Variants in FAR2 observed in about 807,000 individuals in gnomAD.
FAR2 encodes the protein epididymis secretory protein Li 81.
Under a neutral mutation model 56.0 loss-of-function variants are expected in FAR2, and 19 were observed. The ratio of observed to expected loss-of-function variants is 0.34; its 90% CI spans 0.24 to 0.50. The LOEUF is 0.50. FAR2 is among the 20% of genes least tolerant of loss of function. FAR2 has a pLI of 0.98. For synonymous variants in FAR2, 219 were observed against 218.8 expected, an observed-to-expected ratio of 1.00 and a Z score of -0.01; for missense variants, 508 against 642.2, an observed-to-expected ratio of 0.79 and a Z score of 2.26.
At chr12:29,211,380 T>C (rs1370172551) in intron 1 of FAR2, among the ~76,000 whole-genome samples, 1 of 152,258 alleles carries the variant, frequency 6.6e-6, no homozygotes, top group Non-Finnish European at 1.5e-5. Context: ...AGCCTCTTTC[T>C]AAGACTTTAA....
At chr12:29,208,525 T>A (rs1446074200) in intron 1 of FAR2, among the ~76,000 whole-genome samples, 1 of 152,246 alleles carries the variant, frequency 6.6e-6, no homozygotes, top group Non-Finnish European at 1.5e-5. Flanking sequence ...ATACATCATT[T>A]ATATTTCTAT....
At chr12:29,245,012 C>T (rs1007640122) in intron 1 of FAR2, among the ~76,000 whole-genome samples, 1 of 151,194 alleles carries the variant, frequency 6.6e-6, no homozygotes, top group Admixed American at 6.6e-5. Flanking sequence ...GATGGAGTCT[C>T]ACTCTACGGC....
chr12:29,297,006 C>G lies in FAR2; in HGVS notation c.366-15C>G. The G allele has an allele frequency of 6.3e-7, 1 of 1,579,828 alleles. No individual in the cohort carries two copies. Among genetic ancestry groups the G allele is most frequent in the Non-Finnish European group, 8.6e-7 (1 of 1,165,508 alleles). The stretch of plus-strand genomic sequence containing the variant: ...ACTTACTTCATTGTATTTCCTTCTG[C>G]TTAATCTTCTCTAGACATGCTGTGC... On this transcript the variant is annotated splice_polypyrimidine_tract_variant and intron_variant, in intron 3 of 11. Transcript: ENST00000536681.
chr12:29,273,374 C>T (rs1948651810), intron 2 of FAR2, among the ~76,000 whole-genome samples: 1 of 152,032 alleles, frequency 6.6e-6, no homozygotes, highest in African/African-American at 2.4e-5. Flanking sequence ...CCCTCCCCCA[C>T]CAACGAGGAA....
At chr12:29,325,794 A>T (rs976533850) in intron 10 of FAR2, among the ~76,000 whole-genome samples, 7 of 152,238 alleles carry the variant, frequency 4.6e-5, no homozygotes, top group Admixed American at 3.9e-4. Flanking sequence ...CACAAGAGAA[A>T]GCAAGAAAGA....
intron 1 of FAR2, among the ~76,000 whole-genome samples, chr12:29,213,546 C>T (rs1485514760): frequency 6.6e-6 from 1 of 152,020 alleles, no homozygotes; most frequent in Non-Finnish European, 1.5e-5. Flanking sequence ...AAAAATTAAC[C>T]GGGTGTAGTG....
intron 1 of FAR2, among the ~76,000 whole-genome samples, chr12:29,268,103 C>T (rs537182539): frequency 5.3e-5 from 8 of 152,304 alleles, no homozygotes; most frequent in African/African-American, 9.6e-5. Flanking sequence ...ATTATGACTA[C>T]GAAGAGTCAT....
chr12:29,162,874 C>T (rs539728211), intron 1 of FAR2, among the ~76,000 whole-genome samples: 25 of 152,294 alleles, frequency 1.6e-4, no homozygotes, highest in African/African-American at 5.8e-4. Context: ...CATTCTTTGA[C>T]GCATTCATTC....
chr12:29,244,002 T>TTGAATGAATGAATGAATGAA (rs5797312), intron 1 of FAR2, among the ~76,000 whole-genome samples: 1 of 150,906 alleles, frequency 6.6e-6, no homozygotes, highest in Non-Finnish European at 1.5e-5. Flanking sequence ...TAATCAGCAG[T>TTGAATGAATGAATGAATGAA]TGAATGAATG....
intron 9 of FAR2, chr12:29,317,834 G>A (rs1177114515): frequency 6.6e-6 from 1 of 152,598 alleles, no homozygotes; most frequent in African/African-American, 2.4e-5. Context: ...AGAAGCTAAG[G>A]AAAGAATCTG....
chr12:29,163,230 T>G (rs565831512), intron 1 of FAR2, among the ~76,000 whole-genome samples: 80 of 152,362 alleles, frequency 5.3e-4, no homozygotes, highest in African/African-American at 1.9e-3. Flanking sequence ...TATTTCTCTG[T>G]GCCTTAGTTT....
chr12:29,262,207 G>GT (rs35890746), intron 1 of FAR2, among the ~76,000 whole-genome samples: 20,609 of 150,848 alleles, frequency 0.14, 1,522 homozygotes, highest in Middle Eastern at 0.27. Context: ...CTTTTTGTGT[G>GT]TTTTTTTTTG....
At chr12:29,180,812 C>T (rs889792845) in intron 1 of FAR2, among the ~76,000 whole-genome samples, 1 of 151,878 alleles carries the variant, frequency 6.6e-6, no homozygotes, top group Non-Finnish European at 1.5e-5. Flanking sequence ...CATTCATACT[C>T]ACAAAATATA....
rs141285365 is a variant in FAR2 at position 29,282,951 on chromosome 12, G to A, written c.190-10349G>A. Among the ~76,000 whole-genome samples the A allele has an allele frequency of 5.3e-3, 804 of 152,178 alleles. 12 individuals are homozygous for A. The highest frequency in any genetic ancestry group is 0.019 in the African/African-American group (769 of 41,488). Reference sequence around the variant, plus strand: ...AGCACTTAAAGGGACATACCAGTGGGGGGAAAGTATATGAATTAATGGCAG... The same window carrying A: ...AGCACTTAAAGGGACATACCAGTGGAGGGAAAGTATATGAATTAATGGCAG... On this transcript the variant is annotated intron_variant, in intron 2 of 11. Coordinates refer to ENST00000536681, the MANE Select transcript of FAR2 (RefSeq NM_001271783.2).
At chr12:29,262,560 G>A (rs1948438297) in intron 1 of FAR2, among the ~76,000 whole-genome samples, 1 of 152,172 alleles carries the variant, frequency 6.6e-6, no homozygotes, top group Non-Finnish European at 1.5e-5. Context: ...AACCCGGGAA[G>A]CAGAGGTTGT....
At chr12:29,181,635 C>T (rs1238713228) in intron 1 of FAR2, among the ~76,000 whole-genome samples, 2 of 152,216 alleles carry the variant, frequency 1.3e-5, no homozygotes, top group Non-Finnish European at 2.9e-5. Flanking sequence ...ATCAGCTCCT[C>T]TTTCCCTACT....
At chr12:29,283,887 A>G (rs1227104855) in intron 2 of FAR2, among the ~76,000 whole-genome samples, 1 of 152,242 alleles carries the variant, frequency 6.6e-6, no homozygotes, top group African/African-American at 2.4e-5. Flanking sequence ...TTATTGTCTT[A>G]AATATGTCTT....
chr12:29,266,822 A>G (rs189106739), intron 1 of FAR2, among the ~76,000 whole-genome samples: 1 of 152,252 alleles, frequency 6.6e-6, no homozygotes, highest in African/African-American at 2.4e-5. Context: ...TCATTGATAT[A>G]TCTTACTTTA....
chr12:29,239,809 C>T (rs1453911184), intron 1 of FAR2, among the ~76,000 whole-genome samples: 1 of 152,046 alleles, frequency 6.6e-6, no homozygotes, highest in Non-Finnish European at 1.5e-5. Flanking sequence ...AATATATATC[C>T]TCTGGCTTTA....
Sources: gnomAD v4.1 joint callset for allele counts (sites outside exome capture counted in the v4.1 genomes callset) on GRCh38, gnomAD v4.1.1 for gene constraint, MANE v1.5 for transcripts, NCBI Gene and HGNC (gene_info 2026-07-23, HGNC 2026-07-21) for gene names.